Variants in WDR87 observed in about 807,000 individuals in gnomAD.
WDR87 encodes the protein WD repeat domain 87.
In WDR87, 56 loss-of-function variants were observed where a neutral mutation model predicts 83.3. The ratio of observed to expected loss-of-function variants is 0.67; its 90% CI spans 0.54 to 0.84. The LOEUF (loss-of-function observed/expected upper bound fraction) is 0.84, where lower values mean the gene tolerates loss of function less well. Ranked by LOEUF, WDR87 falls within the 40% of genes least tolerant of loss-of-function variation. WDR87 has a pLI of 0.00. For missense variants in WDR87, 2,939 were observed against 3,431.9 expected (o/e 0.86, Z 3.59); for synonymous variants, 1,173 against 1,250.6 (o/e 0.94, Z 1.31).
chr19:37,892,784 G>A lies in WDR87; in HGVS notation c.2919C>T (p.Asn973=). The part of the protein sequence containing the change: ...RRLLNDTTNS[N]PLIRELAWEG... ...CCCAAGCTAGTTCTCGGATCAGCGG[G>A]TTGGAATTGGTTGTATCATTCAGTA... Residue 973 remains asparagine, a synonymous_variant, in exon 4 of 6, where the codon AAC becomes AAT. Transcript: ENST00000447313. 6.4e-7 allele frequency: 1 copy of A among 1,551,712 alleles called. No homozygotes were observed. The highest frequency in any genetic ancestry group is 8.7e-7 in the Non-Finnish European group (1 of 1,146,964).
chr19:37,896,426 TC>T, intron 2 of WDR87, 118 bp from the exon 3 acceptor site: 1 of 1,049,976 alleles, frequency 9.5e-7, no homozygotes, highest in Non-Finnish European at 1.3e-6. Context: ...AAGGACCTAC[TC>T]CTGTTACACT....
intron 2 of WDR87, among the ~76,000 whole-genome samples, chr19:37,896,553 G>A (rs1348997297): frequency 1.3e-5 from 2 of 152,172 alleles, no homozygotes; most frequent in African/African-American, 4.8e-5. Context: ...ATTTCATAGT[G>A]TGAACACAGG....
chr19:37,890,573 A>C (rs1196977852), intron 5 of WDR87, among the ~76,000 whole-genome samples: 1 of 152,170 alleles, frequency 6.6e-6, no homozygotes, highest in Non-Finnish European at 1.5e-5. Flanking sequence ...TTTAAACAGG[A>C]TATACCCATT....
rs1379912023 is a variant in WDR87, at chr19:37,893,826, G to A, written c.1877C>T (p.Ala626Val). The A allele has an allele frequency of 3.9e-6, 6 of 1,551,760 alleles. No homozygotes were observed. Among genetic ancestry groups the A allele is most frequent in the Middle Eastern group, 1.7e-4 (1 of 5,992 alleles). ...LSLSLFVTGSADGSVRIWDFH... is the reference protein window; with the variant it reads ...LSLSLFVTGSVDGSVRIWDFH... ...GTCCCAGATCCGAACAGAGCCATCGGCAGAACCTGTGACAAAAAGACTCAA... is the reference window on the plus strand; with the variant it reads ...GTCCCAGATCCGAACAGAGCCATCGACAGAACCTGTGACAAAAAGACTCAA... The change falls in exon 4 of 6, where the codon GCC (alanine) becomes GTC (valine). Residue 626 changes from alanine (A) to valine (V), a missense_variant. Transcript: ENST00000447313.
At chr19:37,905,956 C>G (rs1002268049) in intron 1 of WDR87, among the ~76,000 whole-genome samples, 2 of 152,128 alleles carry the variant, frequency 1.3e-5, no homozygotes, top group African/African-American at 2.4e-5. Context: ...CCATAATCAC[C>G]CAACCTGACA....
chr19:37,887,867 G>A lies in WDR87; in HGVS notation c.5804C>T (p.Thr1935Ile), dbSNP rs1351968927. 6.4e-7 allele frequency: 1 copy of A among 1,551,170 alleles called. No homozygotes were observed. The highest frequency in any genetic ancestry group is 2.0e-5 in the Admixed American group (1 of 50,916). Residue 1935 changes from threonine (T) to isoleucine (I), a missense_variant, in exon 6 of 6, where the codon ACA (threonine) becomes ATA (isoleucine). Thr to Ile is a moderately conservative substitution (Grantham distance 89). Around this residue, in one of 3 missense-constraint regions of WDR87, gnomAD observed 2,160 missense variants for 2,533.1 expected, o/e 0.85. Transcript: ENST00000447313. The stretch of plus-strand genomic sequence containing the variant: ...CTTGATCACAGTCTCCTTTTCCTGT[G>A]TCAGCTTCTCCTCTACCTGAGCCAG... The part of the protein sequence containing the change: ...KILAQVEEKL[T>I]QEKETVIKKK...
At chr19:37,898,368 T>A in intron 1 of WDR87, 83 bp from the exon 2 acceptor site, 1 of 1,450,848 alleles carries the variant, frequency 6.9e-7, no homozygotes, top group Non-Finnish European at 9.1e-7. Context: ...AATGAACTCA[T>A]GTTTATTGAA....
Position 37,889,865 on chromosome 19 carries a change from G to T in WDR87, c.3806C>A (p.Ser1269Tyr). ...ATCTCCAGCGGTTGACCTGCGGCCA[G>T]ATATTCCAGAGGCTCCCCGCCCTTG... ...KIQGRGASGI[S>Y]GRRSTAGDGS... Residue 1269 changes from serine to tyrosine, a missense_variant, in exon 6 of 6, where the codon TCT (serine) becomes TAT (tyrosine). Around this residue, in one of 3 missense-constraint regions of WDR87, gnomAD observed 2,160 missense variants for 2,533.1 expected, o/e 0.85. Coordinates refer to ENST00000447313, the MANE Select transcript of WDR87 (RefSeq NM_001291088.2). 6.4e-7 allele frequency: 1 copy of T among 1,551,756 alleles called. No individual in the cohort carries two copies. Among genetic ancestry groups the T allele is most frequent in the Non-Finnish European group, 8.7e-7 (1 of 1,147,010 alleles).
chr19:37,889,529 A>G lies in WDR87; in HGVS notation c.4142T>C (p.Val1381Ala). Residue 1381 changes from valine (V) to alanine (A), a missense_variant, in exon 6 of 6, where the codon GTG (valine) becomes GCG (alanine). By Grantham distance (64) the Val-to-Ala change is moderately conservative. Around this residue, in one of 3 missense-constraint regions of WDR87, gnomAD observed 2,160 missense variants for 2,533.1 expected, o/e 0.85. Transcript: ENST00000447313. Reference sequence around the variant, plus strand: ...TGCTTGTTCTTCTTCCCTTGGCATCACTTCCTTGTGTCTGATCACCTCTTG... The same window carrying G: ...TGCTTGTTCTTCTTCCCTTGGCATCGCTTCCTTGTGTCTGATCACCTCTTG... ...VTQEVIRHKE[V>A]MPREEEQAQK... The G allele has an allele frequency of 6.4e-7, 1 of 1,551,506 alleles. No homozygotes were observed. The highest frequency in any genetic ancestry group is 1.2e-5 in the South Asian group (1 of 84,034).
chr19:37,894,170 C>T lies in WDR87; in HGVS notation c.1533G>A (p.Thr511=), dbSNP rs1222529988. The part of the protein sequence containing the change: ...MHFGAVLALS[T]LSGGIFGGQG... ...GGCCACCAAAAATCCCTCCAGACAG[C>T]GTGGAGAGTGCCAGTACAGCGCCAA... The change falls in exon 4 of 6, where the codon ACG becomes ACA. Residue 511 remains threonine, a synonymous_variant. Coordinates refer to ENST00000447313, the MANE Select transcript of WDR87 (RefSeq NM_001291088.2). 34 of 1,552,172 alleles carry T rather than the reference C, an allele frequency of 2.2e-5. No homozygotes were observed. The highest frequency in any genetic ancestry group is 2.5e-5 in the Non-Finnish European group (29 of 1,147,142).
intron 5 of WDR87, 45 bp from the exon 6 acceptor site, chr19:37,890,321 C>G (rs750045310): frequency 6.8e-6 from 10 of 1,467,460 alleles, no homozygotes; most frequent in African/African-American, 1.4e-5. Flanking sequence ...GTATGGGAAG[C>G]GACATGAAAC....
intron 3 of WDR87, among the ~76,000 whole-genome samples, chr19:37,895,758 C>T (rs1024463181): frequency 3.3e-5 from 3 of 90,152 alleles, no homozygotes; most frequent in African/African-American, 1.6e-4. Context: ...CAGAGCGAGA[C>T]TCTGTCTCAA....
chr19:37,899,147 C>G (rs750291263), intron 1 of WDR87, among the ~76,000 whole-genome samples: 1 of 151,872 alleles, frequency 6.6e-6, no homozygotes, highest in Non-Finnish European at 1.5e-5. Context: ...GGCTGGGCAC[C>G]GTGGCTCACG....
chr19:37,905,464 GTAAA>G (rs2046319974), intron 1 of WDR87, among the ~76,000 whole-genome samples: 1 of 150,954 alleles, frequency 6.6e-6, no homozygotes, highest in Non-Finnish European at 1.5e-5. Flanking sequence ...AAAAAAAAAA[GTAAA>G]TAATAATGAT....
intron 1 of WDR87, among the ~76,000 whole-genome samples, chr19:37,905,199 TC>T (rs1349604725): frequency 9.1e-5 from 12 of 131,518 alleles, no homozygotes; most frequent in Admixed American, 5.3e-4. Context: ...GCCACTGCAC[TC>T]CAGCCTGGCG....
rs1395118451 is a variant in WDR87 at position 37,885,047 on chromosome 19, A to G, written c.8624T>C (p.Ile2875Thr). ...PLPWQNCVRT[I>T]LPVGIARYGI... ...ATACCGGGCAATGCCCACGGGAAGG[A>G]TGGTGCGCACACAGTTCTGCCATGG... Residue 2875 changes from isoleucine to threonine, a missense_variant, in exon 6 of 6, where the codon ATC becomes ACC. Physicochemically the swap from Ile to Thr is moderately conservative, Grantham distance 89 (BLOSUM62 -1). Coordinates refer to ENST00000447313, the MANE Select transcript of WDR87 (RefSeq NM_001291088.2). 7.5e-6 allele frequency: 11 copies of G among 1,456,962 alleles called. No individual in the cohort carries two copies. The Admixed American group carries it at 8.1e-5, about 11-fold the overall frequency. 90.3% of individuals were successfully genotyped at this position (1,456,962 alleles called of 1,614,324 possible). A position where few individuals can be genotyped will look rare whatever the true frequency, so the allele number is the denominator to read the frequency against.
rs1475714723 is a variant in WDR87 at position 37,889,612 on chromosome 19, C to T, written c.4059G>A (p.Lys1353=). The change falls in exon 6 of 6, where the codon AAG becomes AAA. Residue 1353 remains lysine (K), a synonymous_variant. Coordinates refer to ENST00000447313, the MANE Select transcript of WDR87 (RefSeq NM_001291088.2). ...CTCCTTCCTGGATAAAAATTGGTTTCTTCTCTGGCGGGACTACATCCCAAT... is the reference window on the plus strand; with the variant it reads ...CTCCTTCCTGGATAAAAATTGGTTTTTTCTCTGGCGGGACTACATCCCAAT... ...DLDWDVVPPE[K]KPIFIQEGAI... 1.9e-6 allele frequency: 3 copies of T among 1,551,714 alleles called. No homozygotes were observed.
Position 37,885,630 on chromosome 19 carries a change from G to T in WDR87, c.8041C>A (p.Leu2681Ile), listed in dbSNP as rs1383817692. Residue 2681 changes from leucine to isoleucine, a missense_variant, in exon 6 of 6, where the codon CTA (leucine) becomes ATA (isoleucine). Transcript: ENST00000447313. ...PDPRAKNWHL[L>I]GEPYRSERAQ... The stretch of plus-strand genomic sequence containing the variant: ...CTCTCACTTCTGTAAGGTTCTCCTA[G>T]AAGATGCCAATTTTTAGCCCTTGGG... 4 of 1,551,746 alleles carry T rather than the reference G, an allele frequency of 2.6e-6. No individual in the cohort carries two copies. The South Asian group carries it at 4.8e-5, about 18-fold the overall frequency.
In WDR87 at chr19:37,886,168, T is replaced by C; in HGVS notation, c.7503A>G (p.Leu2501=). The change falls in exon 6 of 6, where the codon TTA becomes TTG. Residue 2501 remains leucine, a synonymous_variant. Coordinates refer to ENST00000447313, the MANE Select transcript of WDR87 (RefSeq NM_001291088.2). The stretch of plus-strand genomic sequence containing the variant: ...ATATGTGGGACATAAATGGGGTCTT[T>C]AAGTCCTGTGCTTGGGACTCCAAAA... The part of the protein sequence containing the change: ...GTVLESQAQD[L]KTPFMSHILR... 6.4e-7 allele frequency: 1 copy of C among 1,551,742 alleles called. No individual in the cohort carries two copies. The highest frequency in any genetic ancestry group is 1.2e-5 in the South Asian group (1 of 84,064).
Sources: allele counts gnomAD v4.1 joint callset (sites outside exome capture counted in the v4.1 genomes callset), GRCh38; gene constraint gnomAD v4.1.1; regional missense constraint gnomAD v4.1.1; transcripts MANE v1.5; gene names NCBI Gene and HGNC (gene_info 2026-07-23, HGNC 2026-07-21).